PON2: variants seen among roughly 807,000 people sequenced by gnomAD.
PON2 encodes the protein serum paraoxonase/arylesterase 2.
Under a neutral mutation model 36.6 loss-of-function variants are expected in PON2, and 27 were observed. The observed-to-expected ratio is 0.74, with a 90% CI of 0.54 to 1.02. PON2 has a LOEUF of 1.02. Among genes scored for constraint, PON2 ranks in the 50% least tolerant of loss-of-function variants. The probability of loss-of-function intolerance (pLI) is 0.00; values close to 1 mark genes in which losing one functional copy is unlikely to be tolerated. For missense variants in PON2, 363 were observed against 421.1 expected, an observed-to-expected ratio of 0.86 and a Z score of 1.21; for synonymous variants, 149 against 156.3, an observed-to-expected ratio of 0.95 and a Z score of 0.35.
At position 95,405,353 on chromosome 7, in the gene PON2, T is replaced by C; in HGVS notation, c.1042A>G (p.Arg348Gly). 6.2e-7 allele frequency: 1 copy of C among 1,613,910 alleles called. No individual in the cohort carries two copies. Among genetic ancestry groups the C allele is most frequent in the Non-Finnish European group, 8.5e-7 (1 of 1,179,826 alleles). ...GKLLIGTLYH[R>G]ALYCEL Reference sequence around the variant, plus strand: ...ATTTAGAGTTCACAATACAAGGCTCTGTGGTATAAAGTGCCTATGAGCAGC... The same window carrying C: ...ATTTAGAGTTCACAATACAAGGCTCCGTGGTATAAAGTGCCTATGAGCAGC... Residue 348 changes from arginine (R) to glycine (G), a missense_variant, in exon 9 of 9, where the codon AGA becomes GGA. Arg to Gly is a moderately radical substitution (Grantham distance 125, BLOSUM62 -2). Coordinates refer to ENST00000222572, the MANE Select transcript of PON2 (RefSeq NM_000305.3).
intron 1 of PON2, among the ~76,000 whole-genome samples, chr7:95,430,182 T>C (rs1460729974): frequency 6.6e-6 from 1 of 152,120 alleles, no homozygotes; most frequent in African/African-American, 2.4e-5. Flanking sequence ...TAAAGAAATT[T>C]GGCAGGGCTC....
At chr7:95,424,286 T>G in intron 2 of PON2, 1 of 553,156 alleles carries the variant, frequency 1.8e-6, no homozygotes, top group South Asian at 2.2e-5. Context: ...AGAAATCAAA[T>G]GCTAAACATA....
chr7:95,410,886 A>ATT (rs200191428), intron 5 of PON2, among the ~76,000 whole-genome samples: 1 of 151,054 alleles, frequency 6.6e-6, no homozygotes, highest in African/African-American at 2.4e-5. Flanking sequence ...TTATGCTCCT[A>ATT]TTTTTTTTTA....
At position 95,416,241 on chromosome 7, in the gene PON2, C is replaced by T. The variant is rs755721986; in HGVS notation, c.201+1G>A. ...ATTTGGGGAAGGAAGAAGACACTCA[C>T]CACACTAAAAAAAGCCAGACCATTG... On this transcript the variant is annotated splice_donor_variant, in intron 3 of 8. Coordinates refer to ENST00000222572, the MANE Select transcript of PON2 (RefSeq NM_000305.3). LOFTEE classifies it high-confidence loss of function. 5.0e-6 allele frequency: 8 copies of T among 1,612,104 alleles called. No individual in the cohort carries two copies. The highest frequency in any genetic ancestry group is 2.2e-5 in the South Asian group (2 of 91,050).
At chr7:95,427,615 A>G (rs1475735092) in intron 1 of PON2, among the ~76,000 whole-genome samples, 1 of 152,220 alleles carries the variant, frequency 6.6e-6, no homozygotes, top group Non-Finnish European at 1.5e-5. Flanking sequence ...GGGAGATCAA[A>G]GAATGAAAAT....
intron 2 of PON2, among the ~76,000 whole-genome samples, chr7:95,421,236 T>C (rs1789185106): frequency 6.6e-6 from 1 of 152,216 alleles, no homozygotes; most frequent in African/African-American, 2.4e-5. Flanking sequence ...TGGGCTTGTT[T>C]TTCTCTGAGG....
intron 1 of PON2, among the ~76,000 whole-genome samples, chr7:95,433,818 C>A (rs779195014): frequency 3.3e-5 from 5 of 152,200 alleles, no homozygotes; most frequent in Non-Finnish European, 7.3e-5. Context: ...AAGGTCAGGT[C>A]GAATGTCTCT....
chr7:95,407,068 C>A lies in PON2; in HGVS notation c.696G>T (p.Lys232Asn). ...CCAATATGTCAGCAACATAGATATA[C>A]CTTTGCAGAAAGGACACAGTGGTTA... is the stretch of plus-strand genomic sequence containing the variant. ...ANGINISPDD[K>N]YIYVADILAH... Residue 232 changes from lysine to asparagine, a missense_variant and splice_region_variant, in exon 7 of 9, where the codon AAG (lysine) becomes AAT (asparagine). By Grantham distance (94) the Lys-to-Asn change is moderately conservative. Coordinates refer to ENST00000222572, the MANE Select transcript of PON2 (RefSeq NM_000305.3). 1.9e-6 allele frequency: 3 copies of A among 1,584,238 alleles called. No individual in the cohort carries two copies. The highest frequency in any genetic ancestry group is 2.6e-6 in the Non-Finnish European group (3 of 1,153,574).
chr7:95,422,747 C>T (rs1162267991), intron 2 of PON2, among the ~76,000 whole-genome samples: 1 of 152,164 alleles, frequency 6.6e-6, no homozygotes, highest in Non-Finnish European at 1.5e-5. Flanking sequence ...TAAATTGTCT[C>T]TCCTACCTCT....
intron 8 of PON2, 139 bp from the exon 9 acceptor site, chr7:95,405,627 T>C: frequency 1.2e-6 from 1 of 863,446 alleles, no homozygotes; most frequent in South Asian, 1.5e-5. Flanking sequence ...ATCTTTTTAA[T>C]GTTTAAATTA....
At chr7:95,411,538 T>C in intron 5 of PON2, 115 bp downstream of exon 5, 2 of 1,312,502 alleles carry the variant, frequency 1.5e-6, no homozygotes, top group Admixed American at 3.8e-5. Context: ...CTTTAGCTCT[T>C]ACATATTAGC....
chr7:95,409,881 T>C lies in PON2; in HGVS notation c.695+20A>G, dbSNP rs1250097613. 6.2e-7 allele frequency: 1 copy of C among 1,607,800 alleles called. No individual in the cohort carries two copies. Among genetic ancestry groups the C allele is most frequent in the African/African-American group, 1.3e-5 (1 of 74,702 alleles). On this transcript the variant is annotated intron_variant, in intron 6 of 8. Transcript: ENST00000222572. ...CACCACAACTGAAGAAAAATGAAGA[T>C]ATTCTATAAGGGGCCATACTTATCA...
chr7:95,411,412 A>G (rs545076934), intron 5 of PON2, among the ~76,000 whole-genome samples: 1 of 152,200 alleles, frequency 6.6e-6, no homozygotes, highest in African/African-American at 2.4e-5. Flanking sequence ...TCATTTCTCA[A>G]AGGAGTCCGC....
intron 6 of PON2, among the ~76,000 whole-genome samples, chr7:95,408,942 T>A (rs921477557): frequency 6.6e-6 from 1 of 152,134 alleles, no homozygotes; most frequent in Non-Finnish European, 1.5e-5. Context: ...ATAGAACCAT[T>A]TAGCCAGTGC....
Position 95,406,155 on chromosome 7 carries a change from G to A in PON2, c.870C>T (p.Leu290=), listed in dbSNP as rs1229430155. ...GAGGATTGTTCGGGTCATACACGAA[G>A]AGCTTCTGGCCATTAGGATGACAGC... ...WVGCHPNGQK[L]FVYDPNNPPS... The change falls in exon 8 of 9, where the codon CTC becomes CTT. Residue 290 remains leucine, a synonymous_variant. Transcript: ENST00000222572. 1 of 1,613,754 alleles carries A rather than the reference G, an allele frequency of 6.2e-7. No homozygotes were observed. The highest frequency in any genetic ancestry group is 1.3e-5 in the African/African-American group (1 of 74,906).
At chr7:95,409,688 T>C in intron 6 of PON2, 1 of 169,796 alleles carries the variant, frequency 5.9e-6, no homozygotes, top group Non-Finnish European at 1.2e-5. Flanking sequence ...TTAAATATGG[T>C]ATTGTATTTG....
At chr7:95,410,417 G>A (rs1035426418) in intron 5 of PON2, among the ~76,000 whole-genome samples, 3 of 152,164 alleles carry the variant, frequency 2.0e-5, no homozygotes, top group South Asian at 4.1e-4. Flanking sequence ...ACAATTATAC[G>A]TAAGGACAGA....
intron 2 of PON2, among the ~76,000 whole-genome samples, chr7:95,419,623 T>G (rs1789148542): frequency 6.6e-6 from 1 of 152,162 alleles, no homozygotes; most frequent in African/African-American, 2.4e-5. Context: ...CCACCCTTTC[T>G]GGCTGACAGA....
At chr7:95,412,168 A>G (rs1249923985) in intron 4 of PON2, 144 bp downstream of exon 4, 16 of 1,152,140 alleles carry the variant, frequency 1.4e-5, no homozygotes, top group Non-Finnish European at 2.0e-5. Flanking sequence ...AGGCAAATGA[A>G]CAAGTTCTTT....
Sources: gnomAD v4.1 joint callset for allele counts (sites outside exome capture counted in the v4.1 genomes callset) on GRCh38, gnomAD v4.1.1 for gene constraint, MANE v1.5 for transcripts, NCBI Gene and HGNC (gene_info 2026-07-23, HGNC 2026-07-21) for gene names.